Variants in ASIC2 observed in about 807,000 individuals in gnomAD.
ASIC2 encodes acid-sensing ion channel 2.
A neutral mutation model predicts 57.3 loss-of-function variants in ASIC2; 25 were observed. That is an observed-to-expected ratio of 0.44 (90% CI 0.32 to 0.61). ASIC2 has a LOEUF of 0.61. Among genes scored for constraint, ASIC2 ranks in the 20% least tolerant of loss-of-function variants. The pLI, the probability that ASIC2 is intolerant of heterozygous loss-of-function variation, is 0.06. For synonymous variants in ASIC2, 319 were observed against 307.5 expected (o/e 1.04, Z -0.39); for missense variants, 641 against 738.1 (o/e 0.87, Z 1.52).
intron 1 of ASIC2, among the ~76,000 whole-genome samples, chr17:33,498,124 A>G (rs563514364): frequency 6.6e-6 from 1 of 152,362 alleles, no homozygotes; most frequent in Admixed American, 6.5e-5. Flanking sequence ...CCCATGTTTC[A>G]GATGAGAAAA....
At chr17:33,178,325 G>A (rs1905842825) in intron 1 of ASIC2, among the ~76,000 whole-genome samples, 1 of 152,094 alleles carries the variant, frequency 6.6e-6, no homozygotes, top group Non-Finnish European at 1.5e-5. Context: ...AAAAATCCCT[G>A]GTTTAGATAG....
intron 1 of ASIC2, among the ~76,000 whole-genome samples, chr17:33,416,839 C>T (rs891971762): frequency 6.6e-5 from 10 of 152,084 alleles, no homozygotes; most frequent in Non-Finnish European, 1.2e-4. Context: ...CTCCATGGCC[C>T]GCTCATCTGT....
At chr17:34,111,230 A>G (rs541871869) in intron 1 of ASIC2, among the ~76,000 whole-genome samples, 10 of 148,588 alleles carry the variant, frequency 6.7e-5, no homozygotes, top group African/African-American at 2.5e-4. Context: ...CATCTCAAAA[A>G]AACATATATA....
At chr17:33,567,856 A>G (rs1916290802) in intron 1 of ASIC2, among the ~76,000 whole-genome samples, 1 of 148,482 alleles carries the variant, frequency 6.7e-6, no homozygotes, top group South Asian at 2.1e-4. Flanking sequence ...GATTCCATGC[A>G]TTTTTTTTTT....
chr17:33,707,580 T>C (rs1362866918), intron 1 of ASIC2, among the ~76,000 whole-genome samples: 1 of 152,238 alleles, frequency 6.6e-6, no homozygotes, highest in Non-Finnish European at 1.5e-5. Context: ...CATGTAATTC[T>C]TGTTTCATGG....
chr17:33,466,757 A>T (rs1412967563), intron 1 of ASIC2, among the ~76,000 whole-genome samples: 1 of 152,230 alleles, frequency 6.6e-6, no homozygotes, highest in Non-Finnish European at 1.5e-5. Context: ...AGGATTCCCC[A>T]TTTAATAAAT....
chr17:33,948,350 G>A (rs897812730), intron 1 of ASIC2, among the ~76,000 whole-genome samples: 42 of 152,236 alleles, frequency 2.8e-4, no homozygotes, highest in African/African-American at 9.6e-4. Flanking sequence ...GGCTCCCGCA[G>A]GAGCCTCATT....
rs112981249 is a variant in ASIC2 at position 33,307,276 on chromosome 17, C to CCTTCTTCTTCTTCTT, written c.556-195224_556-195210dup. On this transcript the variant is annotated intron_variant, in intron 1 of 9. Coordinates refer to the ASIC2 transcript ENST00000359872. ...TCCTCCTTCTCTTCCTCCTCCTCTT[C>CCTTCTTCTTCTTCTT]CTTCTTCTTCTTCTTCTTCTTCTTC... Among the ~76,000 whole-genome samples, 7 of 147,690 alleles carry CCTTCTTCTTCTTCTT rather than the reference C, an allele frequency of 4.7e-5. 1 individual carries two copies. The highest frequency in any genetic ancestry group is 4.4e-4 in the South Asian group (2 of 4,558).
rs73273976 is a variant in ASIC2 at position 33,023,183 on chromosome 17, T to C, written c.1349+678A>G. ...CGTGCAAGGTCTGCCTGGAAAACTATACATCCTTTAAAAAAATCTCTGGGC... is the reference window on the plus strand; with the variant it reads ...CGTGCAAGGTCTGCCTGGAAAACTACACATCCTTTAAAAAAATCTCTGGGC... On this transcript the variant is annotated intron_variant, in intron 6 of 9. Coordinates refer to ENST00000225823, the MANE Select transcript of ASIC2 (RefSeq NM_183377.2). 9.0e-3 allele frequency among the ~76,000 whole-genome samples: 1,372 copies of C among 152,192 alleles called. 24 individuals are homozygous for C. The highest frequency in any genetic ancestry group is 0.032 in the African/African-American group (1,321 of 41,508).
chr17:33,145,547 A>C lies in ASIC2; in HGVS notation c.709-33480T>G, dbSNP rs111620486. ...CTCACTGCTCTCTTTTGGCTTTTTC[A>C]GACTTCTAACACATGCATAAGATAT... On this transcript the variant is annotated intron_variant, in intron 1 of 9. Coordinates refer to ENST00000225823, the MANE Select transcript of ASIC2 (RefSeq NM_183377.2). 2.7e-3 allele frequency among the ~76,000 whole-genome samples: 407 copies of C among 152,324 alleles called. 1 individual carries two copies. Among genetic ancestry groups the C allele is most frequent in the African/African-American group, 9.4e-3 (390 of 41,566 alleles).
chr17:33,114,957 GTGTC>G (rs2092275040), intron 1 of ASIC2, among the ~76,000 whole-genome samples: 1 of 151,728 alleles, frequency 6.6e-6, no homozygotes, highest in Admixed American at 6.6e-5. Context: ...CATTGACTGA[GTGTC>G]TGCTTTGAGC....
chr17:33,198,207 G>C (rs766987267), intron 1 of ASIC2, among the ~76,000 whole-genome samples: 1 of 152,142 alleles, frequency 6.6e-6, no homozygotes, highest in African/African-American at 2.4e-5. Context: ...AAAAAAATTA[G>C]CTGGGCATAG....
chr17:33,220,771 G>A (rs975917717), intron 1 of ASIC2, among the ~76,000 whole-genome samples: 6 of 152,150 alleles, frequency 3.9e-5, no homozygotes, highest in Admixed American at 2.0e-4. Flanking sequence ...GATGCTTAAA[G>A]AATTCCAGAT....
chr17:34,115,894 A>G (rs982993417), intron 1 of ASIC2, among the ~76,000 whole-genome samples: 5 of 152,242 alleles, frequency 3.3e-5, no homozygotes, highest in African/African-American at 1.2e-4. Context: ...CCAAACACAT[A>G]TAACAATTTT....
At chr17:33,689,032 A>G (rs973439309) in intron 1 of ASIC2, 2 of 152,248 alleles carry the variant, frequency 1.3e-5, no homozygotes, top group African/African-American at 2.4e-5. Flanking sequence ...TCAAGATGGA[A>G]CTGACTGTAC....
intron 1 of ASIC2, among the ~76,000 whole-genome samples, chr17:33,875,516 C>T (rs1481580240): frequency 2.0e-5 from 3 of 152,184 alleles, no homozygotes; most frequent in Non-Finnish European, 2.9e-5. Flanking sequence ...GCAGAATCCT[C>T]GGTCATATAT....
chr17:33,613,369 CTTTTTT>C (rs546720725), intron 1 of ASIC2, among the ~76,000 whole-genome samples: 1 of 126,834 alleles, frequency 7.9e-6, no homozygotes, highest in Non-Finnish European at 1.7e-5. Flanking sequence ...AATGTGTATT[CTTTTTT>C]TTTTTTTTTT....
At chr17:33,714,247 C>CTCAA (rs1909141426) in intron 1 of ASIC2, among the ~76,000 whole-genome samples, 1 of 152,166 alleles carries the variant, frequency 6.6e-6, no homozygotes, top group African/African-American at 2.4e-5. Context: ...ACTTAAGGTA[C>CTCAA]TCAATCAGTC....
At chr17:33,375,340 C>T (rs11656759) in intron 1 of ASIC2, among the ~76,000 whole-genome samples, 2,502 of 149,702 alleles carry the variant, frequency 0.017, 28 homozygotes, top group Middle Eastern at 0.062. Context: ...TCAGGCAGGC[C>T]GTGCCTAGCA....
Sources: allele counts gnomAD v4.1 joint callset (sites outside exome capture counted in the v4.1 genomes callset), GRCh38; gene constraint gnomAD v4.1.1; transcripts MANE v1.5; gene names NCBI Gene and HGNC (gene_info 2026-07-23, HGNC 2026-07-21).